The following GRIA1 variants were observed in gnomAD, a reference collection of about 807,000 sequenced individuals.
GRIA1 encodes glutamate receptor 1.
A neutral mutation model predicts 99.2 loss-of-function variants in GRIA1; 31 were observed. The ratio of observed to expected loss-of-function variants is 0.31; its 90% CI spans 0.23 to 0.42. GRIA1 has a LOEUF of 0.42. Ranked by LOEUF, GRIA1 falls within the 10% of genes least tolerant of loss-of-function variation. GRIA1 has a pLI of 1.00. For missense variants in GRIA1, 782 were observed against 1,157.5 expected (o/e 0.68, Z 4.71); for synonymous variants, 438 against 432.4 (o/e 1.01, Z -0.16).
chr5:153,671,322 A>C (rs1191347228), intron 5 of GRIA1, among the ~76,000 whole-genome samples: 1 of 152,246 alleles, frequency 6.6e-6, no homozygotes, highest in Non-Finnish European at 1.5e-5. Flanking sequence ...ATTTGACTGC[A>C]GGAGATACTT....
chr5:153,739,304 T>C (rs1332155019), intron 11 of GRIA1, among the ~76,000 whole-genome samples: 1 of 152,136 alleles, frequency 6.6e-6, no homozygotes, highest in Admixed American at 6.6e-5. Flanking sequence ...TTTTTGTTAT[T>C]TTCTCTGCCT....
At chr5:153,808,988 A>G (rs953346033) in intron 15 of GRIA1, among the ~76,000 whole-genome samples, 13 of 152,242 alleles carry the variant, frequency 8.5e-5, no homozygotes, top group Non-Finnish European at 1.5e-4. Context: ...TTCAGGAAGT[A>G]CCAACAACTT....
intron 5 of GRIA1, among the ~76,000 whole-genome samples, chr5:153,658,448 T>C (rs1039338553): frequency 5.3e-5 from 8 of 152,170 alleles, no homozygotes; most frequent in Non-Finnish European, 1.2e-4. Flanking sequence ...ACCTCTCAAA[T>C]GCTTACAGCT....
In GRIA1 at chr5:153,524,213, G is replaced by A. The variant is rs1757407272; in HGVS notation, c.220+30148G>A. Reference sequence around the variant, plus strand: ...GTGGTGGGGCTCACCTGTAGTCCCAGCTACTCAGGAGGCTGAGGCAGGAGA... The same window carrying A: ...GTGGTGGGGCTCACCTGTAGTCCCAACTACTCAGGAGGCTGAGGCAGGAGA... On this transcript the variant is annotated intron_variant, in intron 2 of 15. Transcript: ENST00000285900. 2.0e-5 allele frequency among the ~76,000 whole-genome samples: 3 copies of A among 152,208 alleles called. No homozygotes were observed. The South Asian group carries it at 6.2e-4, about 31-fold the overall frequency.
At chr5:153,494,624 G>A (rs1353843756) in intron 2 of GRIA1, among the ~76,000 whole-genome samples, 1 of 152,158 alleles carries the variant, frequency 6.6e-6, no homozygotes, top group Non-Finnish European at 1.5e-5. Context: ...CAGTTTGTAG[G>A]ATGGTCATTG....
intron 3 of GRIA1, among the ~76,000 whole-genome samples, chr5:153,648,199 A>C (rs536550235): frequency 3.9e-5 from 6 of 152,270 alleles, no homozygotes; most frequent in Admixed American, 3.9e-4. Context: ...AGGAGCCAAC[A>C]GAAGAAACCA....
intron 2 of GRIA1, among the ~76,000 whole-genome samples, chr5:153,634,235 G>A (rs917521448): frequency 1.3e-5 from 2 of 151,352 alleles, no homozygotes; most frequent in Non-Finnish European, 2.9e-5. Flanking sequence ...GGAGAATGGC[G>A]TGAACCCGGG....
Position 153,783,914 on chromosome 5 carries a change from A to T in GRIA1, c.2271-10707A>T, listed in dbSNP as rs1056929577. Among the ~76,000 whole-genome samples the T allele has an allele frequency of 3.9e-5, 6 of 152,250 alleles. 1 individual carries two copies. Among genetic ancestry groups the T allele is most frequent in the Admixed American group, 3.3e-4 (5 of 15,288 alleles). ...CACTGCAGGAGTATTTGCAGAGAACAACACACATCAGAAGCGTGTAAGATG... is the reference window on the plus strand; with the variant it reads ...CACTGCAGGAGTATTTGCAGAGAACTACACACATCAGAAGCGTGTAAGATG... On this transcript the variant is annotated intron_variant, in intron 13 of 15. Transcript: ENST00000285900.
chr5:153,607,591 C>T (rs1486079231), intron 2 of GRIA1, among the ~76,000 whole-genome samples: 1 of 151,780 alleles, frequency 6.6e-6, no homozygotes, highest in Admixed American at 6.6e-5. Flanking sequence ...GAATATTAGG[C>T]ACCCCTTAAC....
chr5:153,725,896 G>C (rs1478773336), intron 11 of GRIA1, among the ~76,000 whole-genome samples: 1 of 133,596 alleles, frequency 7.5e-6, no homozygotes, highest in Non-Finnish European at 1.6e-5. Context: ...GGACCTAATA[G>C]ACATCTACAG....
chr5:153,799,950 G>C (rs550807661), intron 14 of GRIA1, among the ~76,000 whole-genome samples: 14 of 152,186 alleles, frequency 9.2e-5, no homozygotes, highest in Non-Finnish European at 1.5e-4. Flanking sequence ...GCTCCTCCTT[G>C]TAAACCAGGG....
intron 2 of GRIA1, among the ~76,000 whole-genome samples, chr5:153,604,157 G>A (rs568859546): frequency 1.3e-5 from 2 of 151,960 alleles, no homozygotes; most frequent in East Asian, 1.9e-4. Context: ...TTAGAGGGGT[G>A]GGGGGAAGAG....
At chr5:153,757,539 G>C (rs966866125) in intron 11 of GRIA1, among the ~76,000 whole-genome samples, 10 of 152,128 alleles carry the variant, frequency 6.6e-5, no homozygotes, top group Admixed American at 3.3e-4. Context: ...AATTCTAAAA[G>C]CAGCAAGAGA....
intron 11 of GRIA1, among the ~76,000 whole-genome samples, chr5:153,719,232 TTG>T: frequency 6.6e-6 from 1 of 152,290 alleles, no homozygotes; most frequent in South Asian, 2.1e-4. Flanking sequence ...CTAATTTTCT[TTG>T]TGATTCTGGG....
At chr5:153,527,843 C>G (rs560619909) in intron 2 of GRIA1, among the ~76,000 whole-genome samples, 4 of 152,298 alleles carry the variant, frequency 2.6e-5, no homozygotes, top group African/African-American at 9.6e-5. Flanking sequence ...GATCTCAGTT[C>G]TGTGAGCAAT....
At chr5:153,792,930 A>G (rs1320261651) in intron 13 of GRIA1, among the ~76,000 whole-genome samples, 2 of 152,146 alleles carry the variant, frequency 1.3e-5, no homozygotes, top group African/African-American at 4.8e-5. Flanking sequence ...GGTAAGCAAA[A>G]TCATAAATAT....
chr5:153,616,038 C>T (rs145471716), intron 2 of GRIA1, among the ~76,000 whole-genome samples: 20 of 152,250 alleles, frequency 1.3e-4, no homozygotes, highest in African/African-American at 4.6e-4. Context: ...AGCAACATTA[C>T]CCAGTCTCTC....
At chr5:153,698,245 C>T in intron 9 of GRIA1, 91 bp downstream of exon 9, 1 of 650,208 alleles carries the variant, frequency 1.5e-6, no homozygotes. Flanking sequence ...GGCCTTTCTT[C>T]TTGCCAAAAC....
intron 8 of GRIA1, among the ~76,000 whole-genome samples, chr5:153,690,552 G>A (rs183351790): frequency 6.6e-6 from 1 of 152,296 alleles, no homozygotes; most frequent in Admixed American, 6.5e-5. Context: ...CTCCTGGCAC[G>A]TAGCGGACAT....
Sources: allele counts gnomAD v4.1 joint callset (sites outside exome capture counted in the v4.1 genomes callset), GRCh38; gene constraint gnomAD v4.1.1; transcripts MANE v1.5; gene names NCBI Gene and HGNC (gene_info 2026-07-23, HGNC 2026-07-21).